Variants in WWOX observed in about 807,000 individuals in gnomAD.
The protein encoded by WWOX is WW domain containing oxidoreductase.
In WWOX, 69 loss-of-function variants were observed where a neutral mutation model predicts 46.2. The observed-to-expected ratio is 1.49, with a 90% CI of 1.23 to 1.82. The LOEUF is 1.82. Ranked by LOEUF, WWOX falls within the 40% of genes most tolerant of loss-of-function variation. The pLI, the probability that WWOX is intolerant of heterozygous loss-of-function variation, is 0.00. For missense variants in WWOX, 919 were observed against 542.6 expected (o/e 1.69, Z -6.89); for synonymous variants, 359 against 202.6 (o/e 1.77, Z -6.56).
At chr16:78,720,586 T>C (rs934573046) in intron 8 of WWOX, among the ~76,000 whole-genome samples, 4 of 152,060 alleles carry the variant, frequency 2.6e-5, no homozygotes, top group African/African-American at 9.7e-5. Context: ...ATGTTCAGGA[T>C]TTCAGACCAC....
intron 5 of WWOX, among the ~76,000 whole-genome samples, chr16:78,313,902 C>G (rs549168725): frequency 7.1e-4 from 108 of 152,266 alleles, no homozygotes; most frequent in African/African-American, 2.4e-3. Context: ...ATTGTCCAGT[C>G]TTAGAGTGAT....
intron 8 of WWOX, among the ~76,000 whole-genome samples, chr16:79,056,215 CAAAAAAA>C (rs199968406): frequency 7.2e-6 from 1 of 139,126 alleles, no homozygotes; most frequent in Admixed American, 7.1e-5. Context: ...GTCACTAGAC[CAAAAAAA>C]AAAAAAAAAA....
At chr16:78,286,735 C>G (rs537157153) in intron 5 of WWOX, among the ~76,000 whole-genome samples, 4 of 152,054 alleles carry the variant, frequency 2.6e-5, no homozygotes, top group Non-Finnish European at 1.5e-5. Context: ...CCACAAACAG[C>G]TTCTTCTTCA....
chr16:78,333,754 C>T (rs1380634434), intron 5 of WWOX, among the ~76,000 whole-genome samples: 5 of 152,326 alleles, frequency 3.3e-5, no homozygotes, highest in Admixed American at 1.3e-4. Flanking sequence ...TTCCTCTGTT[C>T]AGCAAACGTG....
At chr16:78,773,998 T>A (rs941130195) in intron 8 of WWOX, among the ~76,000 whole-genome samples, 8 of 152,224 alleles carry the variant, frequency 5.3e-5, no homozygotes, top group African/African-American at 1.9e-4. Flanking sequence ...TCACACTGTT[T>A]AAAGATGCAT....
chr16:78,196,477 A>T (rs905263984), intron 5 of WWOX, among the ~76,000 whole-genome samples: 1 of 152,254 alleles, frequency 6.6e-6, no homozygotes, highest in Admixed American at 6.5e-5. Context: ...TTAAATAAAA[A>T]TGCAAATAAG....
intron 8 of WWOX, among the ~76,000 whole-genome samples, chr16:79,075,455 C>G (rs187595570): frequency 6.6e-6 from 1 of 152,226 alleles, no homozygotes; most frequent in African/African-American, 2.4e-5. Flanking sequence ...ATAGTTGTAG[C>G]CATATGATTG....
intron 8 of WWOX, among the ~76,000 whole-genome samples, chr16:78,956,397 C>A (rs146922246): frequency 6.6e-6 from 1 of 151,982 alleles, no homozygotes; most frequent in Non-Finnish European, 1.5e-5. Flanking sequence ...TCAAGTGATC[C>A]GCCCATCTCG....
chr16:78,493,501 A>G (rs1183217842), intron 8 of WWOX, among the ~76,000 whole-genome samples: 1 of 152,224 alleles, frequency 6.6e-6, no homozygotes, highest in Non-Finnish European at 1.5e-5. Context: ...ACAGAAGAGC[A>G]ATTGCATTTG....
chr16:78,831,564 C>T (rs1258506254), intron 8 of WWOX, among the ~76,000 whole-genome samples: 1 of 152,214 alleles, frequency 6.6e-6, no homozygotes, highest in Non-Finnish European at 1.5e-5. Context: ...GTGACCTGCA[C>T]ACCAGGAGGC....
At chr16:78,380,091 T>C (rs1056952963) in intron 5 of WWOX, among the ~76,000 whole-genome samples, 3 of 152,222 alleles carry the variant, frequency 2.0e-5, no homozygotes, top group African/African-American at 4.8e-5. Context: ...TGAGTGCCCC[T>C]GTATCCGAGG....
In WWOX at chr16:78,667,408, C is replaced by T. The variant is rs146110836; in HGVS notation, c.1056+234656C>T. Among the ~76,000 whole-genome samples, 16 of 152,188 alleles carry T rather than the reference C, an allele frequency of 1.1e-4. No homozygotes were observed. The South Asian group carries it at 1.9e-3, about 18-fold the overall frequency. ...ATGATATGATGGGTGTGGTGGCTCA[C>T]GCCTGTATTCCCAACACTTTGGGAG... On this transcript the variant is annotated intron_variant, in intron 8 of 8. Coordinates refer to ENST00000566780, the MANE Select transcript of WWOX (RefSeq NM_016373.4).
At chr16:78,879,796 G>C (rs1023395468) in intron 8 of WWOX, among the ~76,000 whole-genome samples, 12 of 151,796 alleles carry the variant, frequency 7.9e-5, no homozygotes, top group African/African-American at 2.9e-4. Context: ...AGAGTCGCTT[G>C]AACTTGGGAG....
intron 8 of WWOX, among the ~76,000 whole-genome samples, chr16:79,209,629 T>G (rs145558008): frequency 8.5e-5 from 13 of 152,262 alleles, no homozygotes; most frequent in Non-Finnish European, 1.6e-4. Context: ...AATGAAAATA[T>G]ATGACAGATA....
chr16:78,192,996 G>A (rs1346566517), intron 5 of WWOX, among the ~76,000 whole-genome samples: 1 of 152,192 alleles, frequency 6.6e-6, no homozygotes, highest in Non-Finnish European at 1.5e-5. Context: ...GTGGCTGAGG[G>A]TTGGCCGTGG....
At chr16:79,154,915 TGAAA>T (rs778965650) in intron 8 of WWOX, among the ~76,000 whole-genome samples, 17 of 152,130 alleles carry the variant, frequency 1.1e-4, no homozygotes, top group Admixed American at 2.0e-4. Flanking sequence ...TTGGAAAAAA[TGAAA>T]GAAAGAAAGA....
rs200355488 is a variant in WWOX at position 78,380,942 on chromosome 16, C to G, written c.517-5918C>G. ...TTGAGAGCCCATTGTGTGGCTTGTA[C>G]CTTATATTCACTCTATCTAATCTTC... On this transcript the variant is annotated intron_variant, in intron 5 of 8. Transcript: ENST00000566780. Among the ~76,000 whole-genome samples the G allele has an allele frequency of 2.6e-5, 4 of 152,216 alleles. No homozygotes were observed. The East Asian group carries it at 7.7e-4, about 29-fold the overall frequency.
intron 5 of WWOX, among the ~76,000 whole-genome samples, chr16:78,374,831 C>A (rs531370411): frequency 6.6e-6 from 1 of 151,842 alleles, no homozygotes; most frequent in Non-Finnish European, 1.5e-5. Context: ...ATTACAGGCA[C>A]GAGTCTCCGC....
At chr16:79,014,893 A>T (rs557016755) in intron 8 of WWOX, among the ~76,000 whole-genome samples, 1 of 152,176 alleles carries the variant, frequency 6.6e-6, no homozygotes, top group Non-Finnish European at 1.5e-5. Flanking sequence ...TTCAATGAGC[A>T]TTTATTTACT....
Sources: gnomAD v4.1 joint callset for allele counts (sites outside exome capture counted in the v4.1 genomes callset) on GRCh38, gnomAD v4.1.1 for gene constraint, MANE v1.5 for transcripts, NCBI Gene and HGNC (gene_info 2026-07-23, HGNC 2026-07-21) for gene names.